RNF13: variants seen among roughly 807,000 people sequenced by gnomAD.
RNF13 encodes the protein ring finger protein 13.
Under a neutral mutation model 37.7 loss-of-function variants are expected in RNF13, and 19 were observed. That is an observed-to-expected ratio of 0.50 (90% CI 0.35 to 0.74). RNF13 has a LOEUF of 0.74. Ranked by LOEUF, RNF13 falls within the 30% of genes least tolerant of loss-of-function variation. The pLI is 0.01. For synonymous variants in RNF13, 144 were observed against 157.8 expected (o/e 0.91, Z 0.65); for missense variants, 375 against 453.0 (o/e 0.83, Z 1.56).
At chr3:149,943,490 T>C (rs909705413) in intron 8 of RNF13, among the ~76,000 whole-genome samples, 1 of 152,214 alleles carries the variant, frequency 6.6e-6, no homozygotes, top group African/African-American at 2.4e-5. Flanking sequence ...ACCAGAGTGG[T>C]ACATCTGTTG....
chr3:149,952,686 G>A (rs1483079341), intron 8 of RNF13, among the ~76,000 whole-genome samples: 1 of 151,758 alleles, frequency 6.6e-6, no homozygotes, highest in Non-Finnish European at 1.5e-5. Context: ...CACAACCTCT[G>A]CCTCCCGGGT....
chr3:149,881,403 T>A (rs1460884822), intron 4 of RNF13, among the ~76,000 whole-genome samples: 1 of 152,188 alleles, frequency 6.6e-6, no homozygotes, highest in Non-Finnish European at 1.5e-5. Flanking sequence ...TGCTCGCAGC[T>A]CACTGCAACC....
intron 2 of RNF13, among the ~76,000 whole-genome samples, chr3:149,849,862 G>GA (rs1294747607): frequency 6.6e-6 from 1 of 152,144 alleles, no homozygotes; most frequent in Admixed American, 6.6e-5. Context: ...TTTTGTTAAG[G>GA]AAGCTGTCAA....
chr3:149,935,214 C>T (rs565464002), intron 8 of RNF13, among the ~76,000 whole-genome samples: 6 of 151,696 alleles, frequency 4.0e-5, no homozygotes, highest in Non-Finnish European at 1.5e-5. Context: ...TTTTTGTTTT[C>T]CAATTGCATG....
intron 8 of RNF13, among the ~76,000 whole-genome samples, chr3:149,936,019 T>C (rs1719632410): frequency 6.6e-6 from 1 of 152,044 alleles, no homozygotes. Flanking sequence ...CTGTTCTCAG[T>C]TGGCAGTTTT....
intron 7 of RNF13, among the ~76,000 whole-genome samples, chr3:149,913,184 T>A (rs1214476065): frequency 6.6e-6 from 1 of 152,164 alleles, no homozygotes; most frequent in African/African-American, 2.4e-5. Flanking sequence ...GGCCTTTCCA[T>A]CAGTTAAATA....
At chr3:149,812,720 T>TG (rs1719026618), upstream of RNF13, 1 of 152,374 alleles carries the variant, frequency 6.6e-6, no homozygotes, top group African/African-American at 2.4e-5. Context: ...CTTTAGTAGG[T>TG]CGGGTGAGTG....
rs1429764791 is a variant in RNF13 at position 149,876,548 on chromosome 3, C to G, written c.321+4394C>G. 2.6e-5 allele frequency among the ~76,000 whole-genome samples: 4 copies of G among 152,088 alleles called. No homozygotes were observed. In the East Asian group the frequency reaches 7.7e-4, roughly 29 times the overall value. ...CCTGACTTCTGCCTCTCTCTCAAGTCTCATCTCTACTTTGCCACTCCTCCC... is the reference window on the plus strand; with the variant it reads ...CCTGACTTCTGCCTCTCTCTCAAGTGTCATCTCTACTTTGCCACTCCTCCC... On this transcript the variant is annotated intron_variant, in intron 4 of 9. Coordinates refer to ENST00000392894, the MANE Select transcript of RNF13 (RefSeq NM_183381.3).
Position 149,882,088 on chromosome 3 carries a change from CAG to C in RNF13, c.321+9941_321+9942del, listed in dbSNP as rs551792846. ...ATTAGTAGAGTACCAGTGGTAAGCA[CAG>C]AGAGAGGAAGTAACATATGACACTT... On this transcript the variant is annotated intron_variant, in intron 4 of 9. Transcript: ENST00000392894. Among the ~76,000 whole-genome samples, 429 of 151,454 alleles carry C rather than the reference CAG, an allele frequency of 2.8e-3. 2 individuals are homozygous for C. Among genetic ancestry groups the C allele is most frequent in the African/African-American group, 9.9e-3 (410 of 41,236 alleles).
chr3:149,934,251 CT>C lies in RNF13; in HGVS notation c.700+13031del, dbSNP rs569651484. On this transcript the variant is annotated intron_variant, in intron 8 of 9. Transcript: ENST00000392894. ...TTCATTTATACTTTGAGTGTTTTCT[CT>C]TTTTTTGTTAGTCTAGCAAAAGGTA... Among the ~76,000 whole-genome samples the C allele has an allele frequency of 3.9e-5, 6 of 151,960 alleles. No individual in the cohort carries two copies. In the South Asian group the frequency reaches 1.0e-3, roughly 26 times the overall value.
chr3:149,917,809 C>T (rs1044092176), intron 7 of RNF13, among the ~76,000 whole-genome samples: 1 of 152,114 alleles, frequency 6.6e-6, no homozygotes, highest in African/African-American at 2.4e-5. Flanking sequence ...AAGTGCAGTT[C>T]TATGTCCATT....
chr3:149,818,288 T>C (rs577501222), intron 1 of RNF13, among the ~76,000 whole-genome samples: 1 of 152,328 alleles, frequency 6.6e-6, no homozygotes, highest in East Asian at 1.9e-4. Context: ...TGCATTTTCA[T>C]AATAGACGGT....
intron 1 of RNF13, among the ~76,000 whole-genome samples, chr3:149,818,704 G>C (rs1187573695): frequency 6.6e-6 from 1 of 152,128 alleles, no homozygotes; most frequent in Non-Finnish European, 1.5e-5. Flanking sequence ...CTTGAGACCA[G>C]AGTTCGAGGC....
chr3:149,872,652 A>G (rs1712211309), intron 4 of RNF13, among the ~76,000 whole-genome samples: 1 of 152,228 alleles, frequency 6.6e-6, no homozygotes. Flanking sequence ...TGGGATTGGC[A>G]TTGGCAAAGG....
chr3:149,878,872 T>C (rs1256310073), intron 4 of RNF13, among the ~76,000 whole-genome samples: 1 of 152,224 alleles, frequency 6.6e-6, no homozygotes, highest in African/African-American at 2.4e-5. Flanking sequence ...TTACTGTTCC[T>C]TTGTGGCTAT....
chr3:149,896,706 C>T (rs1388770454), intron 5 of RNF13, among the ~76,000 whole-genome samples: 9 of 151,876 alleles, frequency 5.9e-5, no homozygotes, highest in Non-Finnish European at 1.2e-4. Flanking sequence ...CTTGAACTCC[C>T]GACCTCAGGT....
intron 1 of RNF13, 110 bp from the exon 2 acceptor site, chr3:149,845,901 A>C (rs1322233168): frequency 1.7e-6 from 1 of 579,564 alleles, no homozygotes; most frequent in Non-Finnish European, 3.0e-6. Flanking sequence ...ATGTTAATAC[A>C]TGTTTATAAT....
intron 3 of RNF13, among the ~76,000 whole-genome samples, chr3:149,866,939 T>C (rs1711498434): frequency 6.6e-6 from 1 of 152,210 alleles, no homozygotes; most frequent in South Asian, 2.1e-4. Context: ...TTTTGTGGCC[T>C]AAGATATGGT....
intron 4 of RNF13, among the ~76,000 whole-genome samples, chr3:149,889,128 G>A (rs1714375357): frequency 6.6e-6 from 1 of 151,736 alleles, no homozygotes; most frequent in Non-Finnish European, 1.5e-5. Context: ...TAGTAGAGAC[G>A]GGGTTTCACC....
Sources: gnomAD v4.1 joint callset for allele counts (sites outside exome capture counted in the v4.1 genomes callset) on GRCh38, gnomAD v4.1.1 for gene constraint, MANE v1.5 for transcripts, NCBI Gene and HGNC (gene_info 2026-07-23, HGNC 2026-07-21) for gene names.